Variants in NAALADL2 observed in about 807,000 individuals in gnomAD.
NAALADL2 encodes N-acetylated alpha-linked acidic dipeptidase like 2.
In NAALADL2, 76 loss-of-function variants were observed where a neutral mutation model predicts 87.2. That is an observed-to-expected ratio of 0.87 (90% CI 0.72 to 1.05). NAALADL2 has a LOEUF of 1.05. Ranked by LOEUF, NAALADL2 falls within the 50% of genes least tolerant of loss-of-function variation. The pLI is 0.00. For missense variants in NAALADL2, 1,089 were observed against 945.8 expected (o/e 1.15, Z -1.99); for synonymous variants, 354 against 331.0 (o/e 1.07, Z -0.75).
intron 3 of NAALADL2, among the ~76,000 whole-genome samples, chr3:175,246,604 T>G (rs1164845689): frequency 6.6e-6 from 1 of 152,216 alleles, no homozygotes; most frequent in Non-Finnish European, 1.5e-5. Flanking sequence ...AGGTGGACTG[T>G]ACCGGGGTAA....
chr3:174,468,136 G>A (rs1201084469), intron 1 of NAALADL2, among the ~76,000 whole-genome samples: 3 of 152,092 alleles, frequency 2.0e-5, no homozygotes, highest in African/African-American at 7.2e-5. Flanking sequence ...TTATCAGGTA[G>A]GCGGTTTTGT....
chr3:174,799,680 G>A (rs1718575692), intron 3 of NAALADL2, among the ~76,000 whole-genome samples: 1 of 152,156 alleles, frequency 6.6e-6, no homozygotes. Flanking sequence ...CCGCAGAAAA[G>A]ATACCCAAAA....
rs376170164 is a variant in NAALADL2, at chr3:175,324,266, C to G, written c.1031C>G (p.Thr344Ser). The G allele has an allele frequency of 1.2e-6, 2 of 1,612,552 alleles. No individual in the cohort carries two copies. Among genetic ancestry groups the G allele is most frequent in the African/African-American group, 1.3e-5 (1 of 74,866 alleles). ...LPKTVNPSHD[T>S]FMVSLNPGGD... ...AAGACTGTGAATCCTAGCCATGATACCTTCATGGTGTCACTGAATCCAGGA... is the reference window on the plus strand; with the variant it reads ...AAGACTGTGAATCCTAGCCATGATAGCTTCATGGTGTCACTGAATCCAGGA... The change falls in exon 5 of 14, where the codon ACC (threonine) becomes AGC (serine). Residue 344 changes from threonine (T) to serine (S), a missense_variant. Transcript: ENST00000454872.
intron 1 of NAALADL2, among the ~76,000 whole-genome samples, chr3:175,010,080 A>G (rs1008865251): frequency 6.6e-6 from 1 of 151,614 alleles, no homozygotes; most frequent in South Asian, 2.1e-4. Flanking sequence ...TGGTGTGTTT[A>G]TAATTGTGGG....
chr3:174,486,761 A>G (rs1717883052), intron 1 of NAALADL2, among the ~76,000 whole-genome samples: 1 of 151,970 alleles, frequency 6.6e-6, no homozygotes, highest in Non-Finnish European at 1.5e-5. Context: ...AAACTTGACT[A>G]TACAATAGTT....
At chr3:175,078,526 A>T (rs537389763) in intron 1 of NAALADL2, among the ~76,000 whole-genome samples, 1 of 152,322 alleles carries the variant, frequency 6.6e-6, no homozygotes, top group Admixed American at 6.5e-5. Context: ...AATCAGTTGT[A>T]GAACATTTCA....
chr3:174,986,838 T>C (rs77801937), intron 1 of NAALADL2, among the ~76,000 whole-genome samples: 82 of 152,272 alleles, frequency 5.4e-4, no homozygotes, highest in South Asian at 4.6e-3. Flanking sequence ...TATTTATTTC[T>C]CCATGGACAA....
At chr3:175,000,144 T>C (rs527501904) in intron 1 of NAALADL2, among the ~76,000 whole-genome samples, 1 of 152,312 alleles carries the variant, frequency 6.6e-6, no homozygotes, top group African/African-American at 2.4e-5. Context: ...CCACCTTTTA[T>C]GAACCAGGTT....
At chr3:174,503,211 GT>G (rs1343643769) in intron 1 of NAALADL2, among the ~76,000 whole-genome samples, 1 of 152,148 alleles carries the variant, frequency 6.6e-6, no homozygotes, top group Non-Finnish European at 1.5e-5. Flanking sequence ...ACATGAGACA[GT>G]ATCTGGCACC....
At chr3:175,495,063 T>A (rs971443686) in intron 9 of NAALADL2, among the ~76,000 whole-genome samples, 1 of 145,330 alleles carries the variant, frequency 6.9e-6, no homozygotes, top group Non-Finnish European at 1.5e-5. Context: ...ACCATCTGTA[T>A]AAGCAATCCC....
intron 1 of NAALADL2, among the ~76,000 whole-genome samples, chr3:174,537,800 A>T (rs2108457101): frequency 6.6e-6 from 1 of 152,206 alleles, no homozygotes; most frequent in East Asian, 1.9e-4. Flanking sequence ...AGTGGCAGTT[A>T]AACTGGAAAG....
chr3:175,075,234 A>G (rs1716383004), intron 1 of NAALADL2, among the ~76,000 whole-genome samples: 1 of 152,162 alleles, frequency 6.6e-6, no homozygotes, highest in Non-Finnish European at 1.5e-5. Context: ...CACAATTGTA[A>G]CGTATGCTAT....
chr3:175,614,144 C>T (rs533558856), intron 10 of NAALADL2, among the ~76,000 whole-genome samples: 3 of 152,296 alleles, frequency 2.0e-5, no homozygotes, highest in Admixed American at 6.5e-5. Flanking sequence ...CCTCCACCTC[C>T]GGGGTTCAAG....
intron 3 of NAALADL2, among the ~76,000 whole-genome samples, chr3:174,825,320 G>A (rs139214911): frequency 1.5e-3 from 226 of 152,324 alleles, no homozygotes; most frequent in African/African-American, 5.2e-3. Flanking sequence ...TAACTTGGGG[G>A]AAGTCAGGGT....
intron 12 of NAALADL2, among the ~76,000 whole-genome samples, chr3:175,740,914 T>G (rs1050821473): frequency 6.6e-6 from 1 of 152,182 alleles, no homozygotes; most frequent in South Asian, 2.1e-4. Context: ...CGGGACCCCC[T>G]TCCTGTAACA....
chr3:175,192,380 A>C (rs1223522676), intron 2 of NAALADL2, among the ~76,000 whole-genome samples: 1 of 152,096 alleles, frequency 6.6e-6, no homozygotes, highest in Non-Finnish European at 1.5e-5. Context: ...TTATGCTATG[A>C]ATAGTATATG....
At chr3:175,653,405 A>G (rs1435407694) in intron 11 of NAALADL2, among the ~76,000 whole-genome samples, 1 of 152,008 alleles carries the variant, frequency 6.6e-6, no homozygotes, top group Non-Finnish European at 1.5e-5. Flanking sequence ...TTCTAACGTT[A>G]ATTTGTTTTC....
chr3:175,184,883 G>A (rs1580833280), intron 2 of NAALADL2, among the ~76,000 whole-genome samples: 1 of 152,064 alleles, frequency 6.6e-6, no homozygotes, highest in African/African-American at 2.4e-5. Context: ...GATAATGCAC[G>A]TTAAGCACCA....
intron 1 of NAALADL2, among the ~76,000 whole-genome samples, chr3:174,933,684 G>A (rs181377843): frequency 6.6e-6 from 1 of 152,276 alleles, no homozygotes; most frequent in Admixed American, 6.5e-5. Flanking sequence ...TTTGCTGTAT[G>A]AGCTAGAATA....
Sources: gnomAD v4.1 joint callset for allele counts (sites outside exome capture counted in the v4.1 genomes callset) on GRCh38, gnomAD v4.1.1 for gene constraint, MANE v1.5 for transcripts, NCBI Gene and HGNC (gene_info 2026-07-23, HGNC 2026-07-21) for gene names.